Variants in VASP observed in about 807,000 individuals in gnomAD.
VASP encodes the protein vasodilator stimulated phosphoprotein, also known as vasodilator-stimulated phosphoprotein.
VASP carries 27 observed loss-of-function variants against 54.4 expected under a neutral mutation model. The observed-to-expected ratio is 0.50, with a 90% CI of 0.37 to 0.68. The LOEUF (loss-of-function observed/expected upper bound fraction) is 0.68, where lower values mean the gene tolerates loss of function less well. Among genes scored for constraint, VASP ranks in the 30% least tolerant of loss-of-function variants. VASP has a pLI of 0.00. For missense variants in VASP, 488 were observed against 528.3 expected (o/e 0.92, Z 0.75); for synonymous variants, 233 against 209.8 (o/e 1.11, Z -0.96).
rs1182674809 is a variant in VASP, at chr19:45,526,295, A to C, written c.*118A>C. On this transcript the variant is annotated 3_prime_UTR_variant, in exon 13 of 13. Coordinates refer to ENST00000245932, the MANE Select transcript of VASP (RefSeq NM_003370.4). ...GACTACACAGGAATGCATCGTTCCC[A>C]CTCCCCATCCCACTTGGAAAACTCC... 9 of 1,240,212 alleles carry C rather than the reference A, an allele frequency of 7.3e-6. No individual in the cohort carries two copies. The highest frequency in any genetic ancestry group is 9.8e-6 in the Non-Finnish European group (9 of 922,618). The allele number at this position is 1,240,212 out of a possible 1,614,324, so 76.8% of individuals were successfully genotyped here.
chr19:45,522,258 C>CTGGAG, intron 5 of VASP, 41 bp downstream of exon 5: 2 of 1,614,114 alleles, frequency 1.2e-6, no homozygotes, highest in Non-Finnish European at 1.7e-6. Flanking sequence ...GGGGGCCTCC[C>CTGGAG]TGGAGGAAGT....
rs202205375 is a variant in VASP, at chr19:45,526,164, G to T, written c.1130G>T (p.Arg377Leu). ...IEAFVQELRK[R>L]GSP ...GCCTTCGTCCAGGAGCTGAGGAAGC[G>T]GGGTTCTCCCTGACCACAGGGACCC... is the stretch of plus-strand genomic sequence containing the variant. Residue 377 changes from arginine to leucine, a missense_variant, in exon 13 of 13, where the codon CGG (arginine) becomes CTG (leucine). This residue lies in a region of VASP where 126 missense variants were observed against 134.8 expected (regional missense o/e 0.94). Transcript: ENST00000245932. 3.1e-6 allele frequency: 5 copies of T among 1,612,972 alleles called. No individual in the cohort carries two copies. The Admixed American group carries it at 6.7e-5, about 22-fold the overall frequency.
intron 3 of VASP, among the ~76,000 whole-genome samples, chr19:45,519,756 C>T (rs1340177039): frequency 6.6e-6 from 1 of 151,132 alleles, no homozygotes; most frequent in African/African-American, 2.4e-5. Flanking sequence ...CCACCACATC[C>T]AGCTAATTTT....
rs538952633 is a variant in VASP at position 45,521,746 on chromosome 19, C to T, written c.428+340C>T. The stretch of plus-strand genomic sequence containing the variant: ...TCTACTGAAGATAACAAAAATTAGC[C>T]GGTCATGGTGGCGCCCGTGCCTGTA... On this transcript the variant is annotated intron_variant, in intron 4 of 12. Coordinates refer to ENST00000245932, the MANE Select transcript of VASP (RefSeq NM_003370.4). 3.9e-5 allele frequency among the ~76,000 whole-genome samples: 6 copies of T among 152,022 alleles called. No homozygotes were observed. In the East Asian group the frequency reaches 5.8e-4, roughly 15 times the overall value.
chr19:45,509,379 C>A (rs1036673816), intron 1 of VASP, among the ~76,000 whole-genome samples: 2 of 144,836 alleles, frequency 1.4e-5, no homozygotes, highest in African/African-American at 5.1e-5. Context: ...TGCCCCCCAG[C>A]CCCGCCCCTC....
At chr19:45,518,200 G>T (rs1282792981) in intron 3 of VASP, 106 bp downstream of exon 3, 2 of 1,416,104 alleles carry the variant, frequency 1.4e-6, no homozygotes, top group Non-Finnish European at 1.9e-6. Flanking sequence ...AAAATAGAGC[G>T]AATTCATTGT....
chr19:45,518,120 G>T (rs759237899), intron 3 of VASP, 26 bp downstream of exon 3: 3 of 1,606,486 alleles, frequency 1.9e-6, no homozygotes, highest in Admixed American at 1.7e-5. Context: ...GGGCAAAGGG[G>T]ACCAGTGAAT....
At position 45,523,190 on chromosome 19, in the gene VASP, A is replaced by ATTTTTTTTTTTT. The variant is rs61288703; in HGVS notation, c.821+391_821+402dup. Among the ~76,000 whole-genome samples, 9 of 74,730 alleles carry ATTTTTTTTTTTT rather than the reference A, an allele frequency of 1.2e-4. 1 individual carries two copies. The highest frequency in any genetic ancestry group is 4.6e-4 in the East Asian group (1 of 2,194). The allele number at this position is 74,730 out of a possible 152,430, so 49.0% of individuals were successfully genotyped here. On this transcript the variant is annotated intron_variant, in intron 7 of 12. Coordinates refer to ENST00000245932, the MANE Select transcript of VASP (RefSeq NM_003370.4). ...TGATTCTAGAACCACAATCTCTTGA[A>ATTTTTTTTTTTT]TTTTTTTTTTTTTTTTTTTTTTTTT...
intron 3 of VASP, 117 bp downstream of exon 3, chr19:45,518,211 T>C (rs766283295): frequency 7.3e-5 from 101 of 1,385,458 alleles, no homozygotes; most frequent in Non-Finnish European, 9.5e-5. Context: ...AATTCATTGT[T>C]ATCATGGAAA....
chr19:45,526,089 GGGA>G (rs1968960019), intron 12 of VASP, 48 bp from the exon 13 acceptor site: 3 of 1,613,496 alleles, frequency 1.9e-6, no homozygotes, highest in African/African-American at 2.7e-5. Flanking sequence ...TGTTTTGGAA[GGGA>G]GGAGGCAGAG....
intron 1 of VASP, among the ~76,000 whole-genome samples, chr19:45,513,161 G>T (rs1193934362): frequency 1.3e-5 from 2 of 152,140 alleles, no homozygotes; most frequent in African/African-American, 4.8e-5. Flanking sequence ...CAGGGAAATT[G>T]GTGTCAAGCA....
chr19:45,520,188 C>T (rs532909605), intron 3 of VASP, among the ~76,000 whole-genome samples: 1 of 152,080 alleles, frequency 6.6e-6, no homozygotes. Context: ...AGGCGCGAGT[C>T]ACGCGCCCAG....
chr19:45,516,983 CAAAA>C (rs112095290), intron 1 of VASP, among the ~76,000 whole-genome samples: 1 of 57,868 alleles, frequency 1.7e-5, no homozygotes, highest in Non-Finnish European at 3.3e-5. Flanking sequence ...GACTCTGTCT[CAAAA>C]AAAAAAAAAA....
chr19:45,517,529 T>C lies in VASP; in HGVS notation c.6-134T>C, dbSNP rs199907754. 1.7e-5 allele frequency: 19 copies of C among 1,102,626 alleles called. No individual in the cohort carries two copies. The East Asian group carries it at 3.9e-4, about 23-fold the overall frequency. The allele number at this position is 1,102,626 out of a possible 1,614,324, so 68.3% of individuals were successfully genotyped here. ...TCCTGATCTGTCTCCCCCGTCTCCT[T>C]CTGTCCACGTGGCTCCTGCCTCCCT... is the stretch of plus-strand genomic sequence containing the variant. On this transcript the variant is annotated intron_variant, in intron 1 of 12. Coordinates refer to ENST00000245932, the MANE Select transcript of VASP (RefSeq NM_003370.4).
Position 45,517,794 on chromosome 19 carries a change from C to T in VASP, c.137C>T (p.Ser46Phe). The T allele has an allele frequency of 6.2e-7, 1 of 1,613,910 alleles. No homozygotes were observed. Among genetic ancestry groups the T allele is most frequent in the Non-Finnish European group, 8.5e-7 (1 of 1,180,018 alleles). ...ATCTACCACAACCCCACGGCCAATTCCTTTCGCGTCGTGGGCCGGAAGATG... is the reference window on the plus strand; with the variant it reads ...ATCTACCACAACCCCACGGCCAATTTCTTTCGCGTCGTGGGCCGGAAGATG... ...VQIYHNPTAN[S>F]FRVVGRKMQP... is the part of the protein sequence containing the mutation. The change falls in exon 2 of 13, where the codon TCC becomes TTC. Residue 46 changes from serine (S) to phenylalanine (F), a missense_variant. Around this residue, in one of 4 missense-constraint regions of VASP, gnomAD observed 127 missense variants for 170.7 expected, o/e 0.74. Transcript: ENST00000245932.
In VASP at chr19:45,522,678, G is replaced by C. The variant is rs373859264; in HGVS notation, c.721-40G>C. ...TGTCATTGGGCTGGAAGGCCAAAAG[G>C]CCTGCCCCTAAAGCTCCTGCCCCTT... On this transcript the variant is annotated intron_variant, in intron 6 of 12. Transcript: ENST00000245932. 856 of 1,595,678 alleles carry C rather than the reference G, an allele frequency of 5.4e-4. 10 individuals are homozygous for C. The highest frequency in any genetic ancestry group is 6.7e-4 in the Middle Eastern group (4 of 5,964).
chr19:45,509,048 C>T (rs1347292299), intron 1 of VASP, among the ~76,000 whole-genome samples: 2 of 152,220 alleles, frequency 1.3e-5, no homozygotes, highest in Non-Finnish European at 2.9e-5. Context: ...GCAGGGAGGC[C>T]CCTGGGGACG....
At chr19:45,508,902 A>AG (rs1002780533) in intron 1 of VASP, among the ~76,000 whole-genome samples, 1 of 152,134 alleles carries the variant, frequency 6.6e-6, no homozygotes, top group Non-Finnish European at 1.5e-5. Context: ...CAGTGTGGGC[A>AG]GGGGGGCCCA....
At position 45,522,778 on chromosome 19, in the gene VASP, G is replaced by C; in HGVS notation, c.781G>C (p.Gly261Arg). 1 of 1,602,682 alleles carries C rather than the reference G, an allele frequency of 6.2e-7. No individual in the cohort carries two copies. The highest frequency in any genetic ancestry group is 1.7e-4 in the Middle Eastern group (1 of 6,014). Residue 261 changes from glycine to arginine, a missense_variant, in exon 7 of 13, where the codon GGG (glycine) becomes CGG (arginine). Gly to Arg is a moderately radical substitution (Grantham distance 125). This residue lies in a region of VASP where 9 missense variants were observed against 26.9 expected (regional missense o/e 0.33). Transcript: ENST00000245932. ...PKAESGRSGG[G>R]GLMEEMNAML... ...AGCTGAGAGTGGTCGAAGCGGAGGT[G>C]GGGGACTCATGGAAGAGATGAACGC...
Sources: allele counts gnomAD v4.1 joint callset (sites outside exome capture counted in the v4.1 genomes callset), GRCh38; gene constraint gnomAD v4.1.1; regional missense constraint gnomAD v4.1.1; transcripts MANE v1.5; gene names NCBI Gene and HGNC (gene_info 2026-07-23, HGNC 2026-07-21).